The following ADAM12 variants were observed in gnomAD, a reference collection of about 807,000 sequenced individuals.
The protein encoded by ADAM12 is disintegrin and metalloproteinase domain-containing protein 12.
ADAM12 carries 70 observed loss-of-function variants against 106.4 expected under a neutral mutation model. The observed-to-expected ratio is 0.66, with a 90% CI of 0.54 to 0.80. The LOEUF (loss-of-function observed/expected upper bound fraction) is 0.80. Ranked by LOEUF, ADAM12 falls within the 30% of genes least tolerant of loss-of-function variation. The pLI is 0.00. For missense variants in ADAM12, 1,010 were observed against 1,171.9 expected (o/e 0.86, Z 2.02); for synonymous variants, 420 against 433.5 (o/e 0.97, Z 0.39).
chr10:126,145,796 C>T (rs925751803), intron 4 of ADAM12, among the ~76,000 whole-genome samples: 1 of 152,206 alleles, frequency 6.6e-6, no homozygotes, highest in Non-Finnish European at 1.5e-5. Context: ...ATGTTAGCTA[C>T]CACATTGGAC....
intron 1 of ADAM12, among the ~76,000 whole-genome samples, chr10:126,348,964 G>C (rs1036879034): frequency 6.6e-6 from 1 of 152,172 alleles, no homozygotes; most frequent in Non-Finnish European, 1.5e-5. Flanking sequence ...CTAGGTCCAT[G>C]CTTCCTTGAA....
chr10:126,112,244 G>A (rs912126046), intron 6 of ADAM12, among the ~76,000 whole-genome samples: 1 of 151,872 alleles, frequency 6.6e-6, no homozygotes, highest in Non-Finnish European at 1.5e-5. Flanking sequence ...ATGAGAGGAG[G>A]GAATTTAGAG....
At chr10:126,081,046 C>T (rs1357948046) in intron 11 of ADAM12, among the ~76,000 whole-genome samples, 1 of 152,022 alleles carries the variant, frequency 6.6e-6, no homozygotes, top group Non-Finnish European at 1.5e-5. Context: ...AACTGCTTTT[C>T]TTGCTGGAAA....
intron 2 of ADAM12, among the ~76,000 whole-genome samples, chr10:126,284,332 C>CAAA (rs58488226): frequency 1.7e-4 from 8 of 46,512 alleles, no homozygotes; most frequent in Admixed American, 3.0e-4. Context: ...GACTCCATCT[C>CAAA]AAAAAAAAAA....
chr10:126,292,814 C>T (rs370109270), intron 2 of ADAM12, among the ~76,000 whole-genome samples: 9 of 152,050 alleles, frequency 5.9e-5, no homozygotes, highest in African/African-American at 1.4e-4. Flanking sequence ...TTATGTGTTA[C>T]GAAATATTCT....
intron 5 of ADAM12, among the ~76,000 whole-genome samples, chr10:126,128,414 G>C (rs2133655195): frequency 6.6e-6 from 1 of 152,308 alleles, no homozygotes; most frequent in East Asian, 1.9e-4. Flanking sequence ...TGGCTGCTCA[G>C]GTGACAATAA....
At chr10:126,161,138 C>A (rs571979835) in intron 3 of ADAM12, among the ~76,000 whole-genome samples, 6 of 152,250 alleles carry the variant, frequency 3.9e-5, no homozygotes, top group Admixed American at 3.9e-4. Flanking sequence ...AGAATGTGAG[C>A]CACAGGAGGG....
At chr10:126,231,750 G>T in intron 3 of ADAM12, among the ~76,000 whole-genome samples, 1 of 152,154 alleles carries the variant, frequency 6.6e-6, no homozygotes, top group East Asian at 1.9e-4. Context: ...GCCTCGGGGC[G>T]GCTGCTCTCT....
intron 3 of ADAM12, among the ~76,000 whole-genome samples, chr10:126,171,577 G>A (rs1957121316): frequency 2.6e-5 from 4 of 152,158 alleles, no homozygotes; most frequent in Admixed American, 2.6e-4. Context: ...TTTTCCTTGT[G>A]GCTTGTTCAC....
intron 3 of ADAM12, among the ~76,000 whole-genome samples, chr10:126,201,280 A>G (rs1049258288): frequency 6.6e-6 from 1 of 152,140 alleles, no homozygotes; most frequent in African/African-American, 2.4e-5. Flanking sequence ...GTCATACTGG[A>G]GTAGTGTGGG....
chr10:126,228,739 C>T (rs1430152621), intron 3 of ADAM12, among the ~76,000 whole-genome samples: 2 of 152,146 alleles, frequency 1.3e-5, no homozygotes, highest in African/African-American at 4.8e-5. Flanking sequence ...CATCCTTCTG[C>T]CCCCAAACCA....
chr10:126,139,650 G>A (rs1956473862), intron 4 of ADAM12, among the ~76,000 whole-genome samples: 1 of 152,104 alleles, frequency 6.6e-6, no homozygotes, highest in Admixed American at 6.5e-5. Context: ...GGGCGCTGGG[G>A]GTGGGGAGTG....
intron 1 of ADAM12, among the ~76,000 whole-genome samples, chr10:126,377,309 AAAG>A (rs1856328458): frequency 6.6e-6 from 1 of 152,318 alleles, no homozygotes; most frequent in East Asian, 1.9e-4. Flanking sequence ...ACATGATCAC[AAAG>A]TCCCACAATA....
At chr10:126,260,018 G>C (rs140575926) in intron 3 of ADAM12, among the ~76,000 whole-genome samples, 17 of 152,328 alleles carry the variant, frequency 1.1e-4, no homozygotes, top group African/African-American at 3.8e-4. Flanking sequence ...TGATCTCCCA[G>C]AGGTGACAGT....
chr10:126,315,470 G>A (rs191714890), intron 2 of ADAM12, among the ~76,000 whole-genome samples: 12 of 152,050 alleles, frequency 7.9e-5, no homozygotes, highest in South Asian at 6.2e-4. Flanking sequence ...CTTTCCAACC[G>A]ATGGCTCCTT....
At chr10:126,119,119 G>T (rs1796874141) in intron 5 of ADAM12, among the ~76,000 whole-genome samples, 1 of 152,144 alleles carries the variant, frequency 6.6e-6, no homozygotes, top group African/African-American at 2.4e-5. Context: ...CAGAACATTA[G>T]CACTGCTTCT....
At chr10:126,219,549 C>T (rs866638390) in intron 3 of ADAM12, among the ~76,000 whole-genome samples, 18 of 152,304 alleles carry the variant, frequency 1.2e-4, no homozygotes, top group African/African-American at 3.6e-4. Flanking sequence ...AGTGTTACTA[C>T]GCTATTATAT....
intron 1 of ADAM12, among the ~76,000 whole-genome samples, chr10:126,368,146 T>A (rs1855981230): frequency 6.6e-6 from 1 of 152,046 alleles, no homozygotes; most frequent in African/African-American, 2.4e-5. Flanking sequence ...TATGTGTGTA[T>A]GTGTATATAT....
chr10:126,045,379 C>T (rs370461777), intron 17 of ADAM12, among the ~76,000 whole-genome samples: 3 of 152,080 alleles, frequency 2.0e-5, no homozygotes, highest in African/African-American at 7.2e-5. Context: ...CCCATGCACC[C>T]GGTAATTCTG....
Sources: gnomAD v4.1 joint callset for allele counts (sites outside exome capture counted in the v4.1 genomes callset) on GRCh38, gnomAD v4.1.1 for gene constraint, MANE v1.5 for transcripts, NCBI Gene and HGNC (gene_info 2026-07-23, HGNC 2026-07-21) for gene names.